The following DCC variants were observed in gnomAD, a reference collection of about 807,000 sequenced individuals.
DCC encodes DCC netrin 1 receptor.
DCC carries 58 observed loss-of-function variants against 172.5 expected under a neutral mutation model. The ratio of observed to expected loss-of-function variants is 0.34; its 90% CI spans 0.27 to 0.42. DCC has a LOEUF of 0.42. Ranked by LOEUF, DCC falls within the 10% of genes least tolerant of loss-of-function variation. The pLI is 1.00. For synonymous variants in DCC, 709 were observed against 644.5 expected, an observed-to-expected ratio of 1.10 and a Z score of -1.52; for missense variants, 1,740 against 1,791.0, an observed-to-expected ratio of 0.97 and a Z score of 0.51.
intron 1 of DCC, among the ~76,000 whole-genome samples, chr18:52,609,018 G>C (rs562461455): frequency 6.6e-6 from 1 of 152,124 alleles, no homozygotes; most frequent in Non-Finnish European, 1.5e-5. Flanking sequence ...CTCAGACTGA[G>C]AGTCAATGCA....
intron 5 of DCC, among the ~76,000 whole-genome samples, chr18:53,056,209 A>G (rs1218361827): frequency 6.6e-6 from 1 of 152,122 alleles, no homozygotes; most frequent in East Asian, 1.9e-4. Context: ...GGGAAGTTAG[A>G]TACATGTCTT....
chr18:52,910,724 C>A (rs115923879), intron 3 of DCC, among the ~76,000 whole-genome samples: 1 of 152,228 alleles, frequency 6.6e-6, no homozygotes, highest in Non-Finnish European at 1.5e-5. Context: ...CAATGGAATT[C>A]TTTAGTTTGC....
At chr18:52,705,342 A>T (rs11876688) in intron 1 of DCC, among the ~76,000 whole-genome samples, 5,368 of 152,262 alleles carry the variant, frequency 0.035, 146 homozygotes, top group East Asian at 0.09. Flanking sequence ...CTGGATGGCT[A>T]CAGGAGTCTT....
At chr18:53,492,207 A>G (rs958191018) in intron 26 of DCC, among the ~76,000 whole-genome samples, 1 of 152,138 alleles carries the variant, frequency 6.6e-6, no homozygotes, top group Non-Finnish European at 1.5e-5. Flanking sequence ...CTAAATAAAT[A>G]TTAGTCTTTT....
chr18:53,436,988 G>A (rs192016862), intron 22 of DCC, among the ~76,000 whole-genome samples: 6 of 152,164 alleles, frequency 3.9e-5, no homozygotes, highest in South Asian at 4.2e-4. Context: ...CACTAATCCC[G>A]TTTATGAGGC....
At chr18:53,508,830 C>A (rs2046215959) in intron 27 of DCC, among the ~76,000 whole-genome samples, 1 of 152,198 alleles carries the variant, frequency 6.6e-6, no homozygotes, top group African/African-American at 2.4e-5. Context: ...AAAGAGTGGC[C>A]TCTTTCATTT....
At chr18:52,622,713 A>G (rs2144862691) in intron 1 of DCC, among the ~76,000 whole-genome samples, 1 of 152,330 alleles carries the variant, frequency 6.6e-6, no homozygotes, top group South Asian at 2.1e-4. Flanking sequence ...TATGAAGACA[A>G]CTATTCTATT....
intron 13 of DCC, among the ~76,000 whole-genome samples, chr18:53,319,903 T>G (rs551018147): frequency 6.6e-6 from 1 of 152,224 alleles, no homozygotes; most frequent in East Asian, 1.9e-4. Context: ...CAGTAATACC[T>G]CAGTTAGTGT....
intron 1 of DCC, among the ~76,000 whole-genome samples, chr18:52,699,930 A>T (rs184955224): frequency 6.6e-6 from 1 of 152,222 alleles, no homozygotes; most frequent in East Asian, 1.9e-4. Context: ...AGTTGTGTTC[A>T]TTCTGACCAT....
In DCC at chr18:52,654,313, A is replaced by AC. The variant is rs1171600357; in HGVS notation, c.92-97739dup. 3.3e-5 allele frequency among the ~76,000 whole-genome samples: 5 copies of AC among 152,286 alleles called. No individual in the cohort carries two copies. In the East Asian group the frequency reaches 7.7e-4, roughly 24 times the overall value. On this transcript the variant is annotated intron_variant, in intron 1 of 28. Coordinates refer to ENST00000442544, the MANE Select transcript of DCC (RefSeq NM_005215.4). ...AGTGCTTAGCTTAGTGATCGCTGGA[A>AC]CCACTATAAGACCATTACCATTGAA...
At chr18:53,122,273 G>A (rs2043493850) in intron 7 of DCC, among the ~76,000 whole-genome samples, 1 of 151,920 alleles carries the variant, frequency 6.6e-6, no homozygotes, top group Admixed American at 6.6e-5. Flanking sequence ...TATAGAAATA[G>A]AAATAAAAAT....
intron 2 of DCC, among the ~76,000 whole-genome samples, chr18:52,792,368 G>A (rs952294934): frequency 2.0e-5 from 3 of 152,268 alleles, no homozygotes; most frequent in African/African-American, 4.8e-5. Context: ...GGTCATGGAC[G>A]AGAAAGGAGG....
At chr18:53,048,575 G>GTA (rs143836781) in intron 5 of DCC, among the ~76,000 whole-genome samples, 44,662 of 148,366 alleles carry the variant, frequency 0.3, 7,915 homozygotes, top group African/African-American at 0.49. Flanking sequence ...ATGTATGTGT[G>GTA]TGTATATATA....
intron 7 of DCC, among the ~76,000 whole-genome samples, chr18:53,085,810 AATG>A (rs1285941794): frequency 6.6e-6 from 1 of 151,712 alleles, no homozygotes; most frequent in Non-Finnish European, 1.5e-5. Context: ...TGTTTGTCAA[AATG>A]ATCCTCCTTC....
intron 5 of DCC, among the ~76,000 whole-genome samples, chr18:53,038,853 T>C (rs992205055): frequency 2.0e-5 from 3 of 151,696 alleles, no homozygotes; most frequent in African/African-American, 7.3e-5. Context: ...CAGAGGATGG[T>C]CAATTGGTGA....
intron 25 of DCC, among the ~76,000 whole-genome samples, chr18:53,472,803 C>A (rs1055767850): frequency 6.6e-6 from 1 of 152,100 alleles, no homozygotes; most frequent in African/African-American, 2.4e-5. Context: ...TGGCATCCCA[C>A]CCCATACATT....
intron 1 of DCC, among the ~76,000 whole-genome samples, chr18:52,649,271 G>A (rs1041531166): frequency 2.1e-4 from 32 of 151,818 alleles, no homozygotes; most frequent in African/African-American, 7.7e-4. Context: ...TACTTGGGAG[G>A]CTGAGGCAGG....
At chr18:53,437,518 G>T (rs1220996682) in intron 22 of DCC, among the ~76,000 whole-genome samples, 1 of 142,220 alleles carries the variant, frequency 7.0e-6, no homozygotes, top group Non-Finnish European at 1.5e-5. Flanking sequence ...AGGAGGCAGA[G>T]GTTGCAGTGA....
chr18:53,260,254 A>G (rs973432277), intron 12 of DCC, among the ~76,000 whole-genome samples: 1 of 152,136 alleles, frequency 6.6e-6, no homozygotes, highest in Non-Finnish European at 1.5e-5. Context: ...GAGGAGCTGC[A>G]TTCCTTTAGA....
Sources: gnomAD v4.1 joint callset for allele counts (sites outside exome capture counted in the v4.1 genomes callset) on GRCh38, gnomAD v4.1.1 for gene constraint, MANE v1.5 for transcripts, NCBI Gene and HGNC (gene_info 2026-07-23, HGNC 2026-07-21) for gene names.